Variants in VPS50 observed in about 807,000 individuals in gnomAD.
VPS50 encodes the protein VPS50 subunit of EARP/GARPII complex, also known as syndetin.
In VPS50, 70 loss-of-function variants were observed where a neutral mutation model predicts 139.7. That is an observed-to-expected ratio of 0.50 (90% confidence interval 0.41 to 0.61). VPS50 has a LOEUF of 0.61. Ranked by LOEUF, VPS50 falls within the 20% of genes least tolerant of loss-of-function variation. The pLI is 0.00. For missense variants in VPS50, 921 were observed against 1,133.7 expected (o/e 0.81, Z 2.69); for synonymous variants, 365 against 376.7 (o/e 0.97, Z 0.36).
chr7:93,350,216 C>T (rs17165279), intron 25 of VPS50, among the ~76,000 whole-genome samples, 183 bp downstream of exon 25: 2,540 of 152,272 alleles, frequency 0.017, 87 homozygotes, highest in African/African-American at 0.058. Context: ...TCTAAGAATA[C>T]GTCGTAGATT....
chr7:93,235,495 G>T (rs1794772434), intron 1 of VPS50, among the ~76,000 whole-genome samples: 1 of 152,162 alleles, frequency 6.6e-6, no homozygotes, highest in South Asian at 2.1e-4. Context: ...GGTAATCCAG[G>T]TGAGAGGGTG....
intron 16 of VPS50, among the ~76,000 whole-genome samples, chr7:93,300,725 GC>G (rs1796951003): frequency 6.6e-6 from 1 of 151,772 alleles, no homozygotes; most frequent in Admixed American, 6.6e-5. Flanking sequence ...TTTAAAGTGT[GC>G]CCTTTGTTAA....
rs544656651 is a variant in VPS50, at chr7:93,353,204, C to T, written c.2464-436C>T. ...GGAAAAGTGATAATTTATTAGATTG[C>T]ACTCTGAAGAGTATAGATACAAATC... On this transcript the variant is annotated intron_variant, in intron 25 of 27. Coordinates refer to ENST00000305866, the MANE Select transcript of VPS50 (RefSeq NM_017667.4). 2.0e-5 allele frequency among the ~76,000 whole-genome samples: 3 copies of T among 152,256 alleles called. No individual in the cohort carries two copies. The South Asian group carries it at 6.2e-4, about 32-fold the overall frequency.
At chr7:93,354,398 A>T (rs985506954) in intron 26 of VPS50, among the ~76,000 whole-genome samples, 1 of 151,662 alleles carries the variant, frequency 6.6e-6, no homozygotes, top group Non-Finnish European at 1.5e-5. Context: ...GGCTCAAGCA[A>T]TTCTTGTGCC....
chr7:93,326,697 T>A (rs969277433), intron 21 of VPS50, among the ~76,000 whole-genome samples: 4 of 151,982 alleles, frequency 2.6e-5, no homozygotes, highest in Admixed American at 6.6e-5. Context: ...ACTTTAAAAT[T>A]AATTATGTGG....
rs778345222 is a variant in VPS50 at position 93,349,886 on chromosome 7, C to T, written c.2316C>T (p.Thr772=). 4.8e-5 allele frequency: 77 copies of T among 1,609,932 alleles called. No individual in the cohort carries two copies. Among genetic ancestry groups the T allele is most frequent in the Non-Finnish European group, 5.8e-5 (68 of 1,178,512 alleles). ...GAAATTTATTTCAGACAGTCTCAAC[C>T]GCCAGTGAACTACGGAAACCAATTT... ...LQQFYSQTVS[T]ASELRKPIYW... Residue 772 remains threonine, a synonymous_variant, in exon 25 of 28, where the codon ACC becomes ACT. Transcript: ENST00000305866.
At chr7:93,332,320 C>G (rs1214093340) in intron 21 of VPS50, among the ~76,000 whole-genome samples, 1 of 152,188 alleles carries the variant, frequency 6.6e-6, no homozygotes, top group Non-Finnish European at 1.5e-5. Flanking sequence ...TCTAGTGTCT[C>G]TTCTTATAAT....
intron 12 of VPS50, among the ~76,000 whole-genome samples, chr7:93,279,116 A>C (rs1562865730): frequency 2.6e-5 from 4 of 152,214 alleles, no homozygotes. Flanking sequence ...GCTATTCTCA[A>C]TAAAAAAATT....
At chr7:93,321,454 T>G (rs984995143) in intron 20 of VPS50, among the ~76,000 whole-genome samples, 3 of 152,184 alleles carry the variant, frequency 2.0e-5, no homozygotes, top group Non-Finnish European at 2.9e-5. Context: ...ATTCTTATAC[T>G]CTGTAATATA....
At chr7:93,269,995 A>T (rs531336190) in intron 9 of VPS50, among the ~76,000 whole-genome samples, 11 of 152,058 alleles carry the variant, frequency 7.2e-5, no homozygotes, top group African/African-American at 2.7e-4. Flanking sequence ...TGTTTGTACT[A>T]TTTTAAGAAC....
intron 16 of VPS50, among the ~76,000 whole-genome samples, chr7:93,297,827 C>G (rs1169575029): frequency 6.6e-5 from 10 of 152,106 alleles, no homozygotes. Context: ...CTTACAGCAG[C>G]AATAAATTGA....
chr7:93,276,429 T>A (rs1415503020), intron 12 of VPS50, 124 bp downstream of exon 12: 1 of 1,320,222 alleles, frequency 7.6e-7, no homozygotes. Context: ...TTGCCAAAAA[T>A]TTTTTTTCTC....
chr7:93,342,666 C>A (rs1309820620), intron 23 of VPS50, among the ~76,000 whole-genome samples: 1 of 152,212 alleles, frequency 6.6e-6, no homozygotes, highest in Non-Finnish European at 1.5e-5. Flanking sequence ...GGTCCCTGAC[C>A]ACTGACCCCT....
At chr7:93,279,079 G>A (rs1796248168) in intron 12 of VPS50, among the ~76,000 whole-genome samples, 1 of 152,074 alleles carries the variant, frequency 6.6e-6, no homozygotes, top group South Asian at 2.1e-4. Flanking sequence ...AGATTGTGAT[G>A]CATATCAAGG....
At chr7:93,243,333 C>T (rs1795051206) in intron 2 of VPS50, among the ~76,000 whole-genome samples, 1 of 151,908 alleles carries the variant, frequency 6.6e-6, no homozygotes, top group South Asian at 2.1e-4. Flanking sequence ...CAGGCCATGG[C>T]CAATTCCAAT....
chr7:93,348,234 T>C (rs1006067334), intron 23 of VPS50, among the ~76,000 whole-genome samples: 2 of 152,210 alleles, frequency 1.3e-5, no homozygotes, highest in Non-Finnish European at 2.9e-5. Context: ...GCACCTGTCA[T>C]TCATCTGTGA....
chr7:93,321,661 T>TC (rs1201410088), intron 20 of VPS50, among the ~76,000 whole-genome samples: 1 of 152,230 alleles, frequency 6.6e-6, no homozygotes, highest in East Asian at 1.9e-4. Flanking sequence ...GCTATTTTTT[T>TC]CTTCTGAATA....
intron 12 of VPS50, among the ~76,000 whole-genome samples, chr7:93,283,898 T>G (rs1405274249): frequency 6.6e-6 from 1 of 152,296 alleles, no homozygotes; most frequent in South Asian, 2.1e-4. Context: ...GGTGGTTTGG[T>G]TGTTTCTAAT....
At chr7:93,239,776 A>G (rs1204506388) in intron 1 of VPS50, 90 bp from the exon 2 acceptor site, 4 of 716,838 alleles carry the variant, frequency 5.6e-6, no homozygotes, top group South Asian at 3.2e-5. Flanking sequence ...CTATTTTTAA[A>G]GTGGTCATTT....
Sources: gnomAD v4.1 joint callset for allele counts (sites outside exome capture counted in the v4.1 genomes callset) on GRCh38, gnomAD v4.1.1 for gene constraint, MANE v1.5 for transcripts, NCBI Gene and HGNC (gene_info 2026-07-23, HGNC 2026-07-21) for gene names.